The following CCDC148 variants were observed in gnomAD, a reference collection of about 807,000 sequenced individuals.
CCDC148 encodes coiled-coil domain containing 148.
Under a neutral mutation model 85.7 loss-of-function variants are expected in CCDC148, and 89 were observed. The ratio of observed to expected loss-of-function variants is 1.04; its 90% confidence interval spans 0.87 to 1.24. The LOEUF (loss-of-function observed/expected upper bound fraction) is 1.24. CCDC148 is among the 50% of genes most tolerant of loss of function. CCDC148 has a pLI of 0.00. For synonymous variants in CCDC148, 230 were observed against 213.9 expected (o/e 1.08, Z -0.66); for missense variants, 692 against 671.7 (o/e 1.03, Z -0.33).
At chr2:158,215,984 G>C (rs530248067) in intron 11 of CCDC148, among the ~76,000 whole-genome samples, 1 of 152,208 alleles carries the variant, frequency 6.6e-6, no homozygotes, top group East Asian at 1.9e-4. Flanking sequence ...TTGATCTTGG[G>C]CTTCTAGCCT....
chr2:158,312,397 C>T (rs1692064695), intron 8 of CCDC148, among the ~76,000 whole-genome samples: 1 of 151,996 alleles, frequency 6.6e-6, no homozygotes. Context: ...TCCTGGCCAA[C>T]ACGGTGAAAC....
chr2:158,284,263 C>T (rs960780996), intron 9 of CCDC148, among the ~76,000 whole-genome samples: 1 of 150,788 alleles, frequency 6.6e-6, no homozygotes, highest in Non-Finnish European at 1.5e-5. Flanking sequence ...TACCCTAAAA[C>T]TTAAAGTATA....
At chr2:158,426,705 A>G (rs958186595) in intron 1 of CCDC148, among the ~76,000 whole-genome samples, 4 of 152,284 alleles carry the variant, frequency 2.6e-5, no homozygotes, top group Middle Eastern at 3.4e-3. Context: ...TGTGCAACCA[A>G]TTTAAGTTTT....
At chr2:158,201,523 C>A (rs1685952768) in intron 11 of CCDC148, among the ~76,000 whole-genome samples, 1 of 152,104 alleles carries the variant, frequency 6.6e-6, no homozygotes, top group Non-Finnish European at 1.5e-5. Context: ...GACCGTCCCA[C>A]CTCAGCCTCC....
intron 1 of CCDC148, among the ~76,000 whole-genome samples, chr2:158,406,989 T>G (rs1266205983): frequency 6.6e-6 from 1 of 152,124 alleles, no homozygotes; most frequent in Non-Finnish European, 1.5e-5. Flanking sequence ...CAAGTGTGGC[T>G]TCTTTCCTGA....
At position 158,271,542 on chromosome 2, in the gene CCDC148, C is replaced by A. The variant is rs565378165; in HGVS notation, c.1111-20630G>T. Among the ~76,000 whole-genome samples, 353 of 152,230 alleles carry A rather than the reference C, an allele frequency of 2.3e-3. 1 individual carries two copies. The highest frequency in any genetic ancestry group is 8.2e-3 in the African/African-American group (339 of 41,536). The stretch of plus-strand genomic sequence containing the variant: ...GCAGCCATCTTGGTTATCAAATCAA[C>A]AGATCAGAAGTAGAAAGGTGAGCAC... On this transcript the variant is annotated intron_variant, in intron 9 of 13. Transcript: ENST00000283233.
At chr2:158,312,590 A>AAC (rs1553503041) in intron 8 of CCDC148, among the ~76,000 whole-genome samples, 6 of 149,894 alleles carry the variant, frequency 4.0e-5, no homozygotes, top group East Asian at 1.9e-4. Flanking sequence ...AAAAAAAAAA[A>AAC]AAAAAAACCA....
At chr2:158,259,541 G>GT (rs1377901795) in intron 9 of CCDC148, among the ~76,000 whole-genome samples, 9 of 151,954 alleles carry the variant, frequency 5.9e-5, no homozygotes, top group African/African-American at 2.2e-4. Flanking sequence ...CCTGACTTCA[G>GT]TGTCACTTTG....
chr2:158,442,746 T>C (rs990505270), intron 1 of CCDC148, among the ~76,000 whole-genome samples: 3 of 152,258 alleles, frequency 2.0e-5, no homozygotes, highest in Admixed American at 1.3e-4. Context: ...ACTACCACTT[T>C]ATGAGAGTCA....
At chr2:158,270,329 C>T (rs966061356) in intron 9 of CCDC148, among the ~76,000 whole-genome samples, 4 of 152,060 alleles carry the variant, frequency 2.6e-5, no homozygotes, top group African/African-American at 2.4e-5. Flanking sequence ...CATACAGAAG[C>T]GGGGTATTAC....
chr2:158,439,562 A>C (rs1301764210), intron 1 of CCDC148, among the ~76,000 whole-genome samples: 1 of 152,134 alleles, frequency 6.6e-6, no homozygotes, highest in Non-Finnish European at 1.5e-5. Flanking sequence ...CCAACGTGGC[A>C]CATGTATACA....
chr2:158,275,372 T>C (rs1048530143), intron 9 of CCDC148, among the ~76,000 whole-genome samples: 14 of 152,228 alleles, frequency 9.2e-5, no homozygotes, highest in Non-Finnish European at 1.0e-4. Flanking sequence ...CTAATTGTGA[T>C]TGTTATATTA....
intron 3 of CCDC148, among the ~76,000 whole-genome samples, chr2:158,342,832 G>A (rs1256606892): frequency 3.3e-5 from 5 of 152,148 alleles, no homozygotes; most frequent in African/African-American, 1.2e-4. Flanking sequence ...AAACGAGGGA[G>A]AAAGCGCCTC....
At position 158,251,363 on chromosome 2, in the gene CCDC148, G is replaced by A. The variant is rs373569920; in HGVS notation, c.1111-451C>T. Among the ~76,000 whole-genome samples, 22 of 151,896 alleles carry A rather than the reference G, an allele frequency of 1.4e-4. 1 individual carries two copies. The highest frequency in any genetic ancestry group is 9.9e-4 in the Admixed American group (15 of 15,206). ...AGAATGGAAAACAGGCCTGAATTAA[G>A]ATGAAAAATAATTGTAAGACACTTA... On this transcript the variant is annotated intron_variant, in intron 9 of 13. Transcript: ENST00000283233.
intron 1 of CCDC148, among the ~76,000 whole-genome samples, chr2:158,413,178 A>T (rs1686341776): frequency 6.6e-6 from 1 of 152,148 alleles, no homozygotes; most frequent in African/African-American, 2.4e-5. Context: ...ATTGTAAAGG[A>T]GTCTTAGCAT....
rs1333785155 is a variant in CCDC148 at position 158,172,227 on chromosome 2, T to G, written c.1662A>C (p.Leu554Phe). Reference sequence around the variant, plus strand: ...TATGAAGTCCAGCTTCTCGAAGTGCTAACTCGAAGCGAAGTCTAGGGTCAG... The same window carrying G: ...TATGAAGTCCAGCTTCTCGAAGTGCGAACTCGAAGCGAAGTCTAGGGTCAG... ...IISDPRLRFE[L>F]ALREAGLHRT... Residue 554 changes from leucine to phenylalanine, a missense_variant, in exon 14 of 14, where the codon TTA becomes TTC. Coordinates refer to ENST00000283233, the MANE Select transcript of CCDC148 (RefSeq NM_138803.4). 1 of 1,607,912 alleles carries G rather than the reference T, an allele frequency of 6.2e-7. No homozygotes were observed. Among genetic ancestry groups the G allele is most frequent in the South Asian group, 1.1e-5 (1 of 89,784 alleles).
chr2:158,384,142 A>G (rs768664259), intron 1 of CCDC148, among the ~76,000 whole-genome samples: 2 of 152,152 alleles, frequency 1.3e-5, no homozygotes, highest in Non-Finnish European at 2.9e-5. Flanking sequence ...TTTGTCCATT[A>G]CTGATGCTAT....
At chr2:158,294,707 C>T (rs1339928831) in intron 9 of CCDC148, among the ~76,000 whole-genome samples, 1 of 151,696 alleles carries the variant, frequency 6.6e-6, no homozygotes, top group African/African-American at 2.4e-5. Flanking sequence ...GCCTGTAATC[C>T]CAGCCATGCA....
intron 10 of CCDC148, among the ~76,000 whole-genome samples, chr2:158,223,929 G>C (rs1027617933): frequency 6.6e-6 from 1 of 152,224 alleles, no homozygotes; most frequent in Admixed American, 6.5e-5. Flanking sequence ...TTCTCCAAAG[G>C]AATGCAGCTC....
Sources: gnomAD v4.1 joint callset for allele counts (sites outside exome capture counted in the v4.1 genomes callset) on GRCh38, gnomAD v4.1.1 for gene constraint, MANE v1.5 for transcripts, NCBI Gene and HGNC (gene_info 2026-07-23, HGNC 2026-07-21) for gene names.